Variants in ZFAT observed in about 807,000 individuals in gnomAD.
ZFAT encodes zinc finger protein ZFAT.
ZFAT carries 64 observed loss-of-function variants against 117.7 expected under a neutral mutation model. The observed-to-expected ratio is 0.54, with a 90% confidence interval of 0.44 to 0.67. The LOEUF (loss-of-function observed/expected upper bound fraction) is 0.67. Ranked by LOEUF, ZFAT falls within the 30% of genes least tolerant of loss-of-function variation. The pLI is 0.00. For synonymous variants in ZFAT, 679 were observed against 615.0 expected, an observed-to-expected ratio of 1.10 and a Z score of -1.54; for missense variants, 1,433 against 1,584.5, an observed-to-expected ratio of 0.90 and a Z score of 1.62.
chr8:134,608,464 T>C (rs1828054111), intron 5 of ZFAT, among the ~76,000 whole-genome samples: 1 of 152,232 alleles, frequency 6.6e-6, no homozygotes, highest in Admixed American at 6.5e-5. Context: ...ATAGTTTTTC[T>C]TTAAATAAAA....
chr8:134,751,810 T>C, the ZFAT span, among the ~76,000 whole-genome samples: 15 of 152,288 alleles, frequency 9.8e-5, no homozygotes, highest in Non-Finnish European at 1.8e-4. Flanking sequence ...AGAAGTAGCA[T>C]GAGTTTGGTC....
the ZFAT span, among the ~76,000 whole-genome samples, chr8:134,762,322 G>A: frequency 1.3e-5 from 2 of 152,156 alleles, no homozygotes; most frequent in African/African-American, 2.4e-5. Flanking sequence ...TGACAGAATT[G>A]TTTGTATCCA....
At chr8:134,620,724 G>A (rs1439758914) in intron 3 of ZFAT, among the ~76,000 whole-genome samples, 1 of 152,246 alleles carries the variant, frequency 6.6e-6, no homozygotes, top group East Asian at 1.9e-4. Context: ...AGCTGATGCT[G>A]ACGGGGAATT....
chr8:134,643,381 C>T (rs957272505), intron 2 of ZFAT, among the ~76,000 whole-genome samples: 4 of 152,180 alleles, frequency 2.6e-5, no homozygotes, highest in African/African-American at 7.2e-5. Flanking sequence ...AGGAAAATGA[C>T]GATAGTCTCA....
chr8:134,791,736 G>C, the ZFAT span, among the ~76,000 whole-genome samples: 2 of 152,120 alleles, frequency 1.3e-5, no homozygotes, highest in African/African-American at 4.8e-5. Flanking sequence ...ATAAAACTTT[G>C]ATTTTGCTCA....
the ZFAT span, among the ~76,000 whole-genome samples, chr8:134,741,327 C>T: frequency 5.3e-5 from 8 of 152,176 alleles, no homozygotes; most frequent in African/African-American, 1.9e-4. Flanking sequence ...TGAAACTGCT[C>T]CAGCCAGGCT....
chr8:134,769,365 C>T, the ZFAT span, among the ~76,000 whole-genome samples: 1 of 152,226 alleles, frequency 6.6e-6, no homozygotes, highest in African/African-American at 2.4e-5. Context: ...CTACAGGCCC[C>T]ATGCAAGTCT....
At chr8:134,633,582 G>GT (rs1164287037) in intron 3 of ZFAT, among the ~76,000 whole-genome samples, 1 of 152,154 alleles carries the variant, frequency 6.6e-6, no homozygotes, top group Non-Finnish European at 1.5e-5. Flanking sequence ...ATGACAACAA[G>GT]TAACACTGTT....
At position 134,478,832 on chromosome 8, in the gene ZFAT, C is replaced by T; in HGVS notation, c.3493-111G>A. On this transcript the variant is annotated intron_variant, in intron 15 of 15. Coordinates refer to ENST00000377838, the MANE Select transcript of ZFAT (RefSeq NM_020863.4). This position sits in a 1 kb window ranked among gnomAD's most constrained non-coding sequence, Gnocchi z 5.2. ...GCACCAGTGCGCTGCGGGAGCACGT[C>T]CATTCTCCACGGATCCTCTCTACCA... The T allele has an allele frequency of 7.0e-7, 1 of 1,419,368 alleles. No individual in the cohort carries two copies. Among genetic ancestry groups the T allele is most frequent in the Non-Finnish European group, 9.4e-7 (1 of 1,061,632 alleles). The allele number at this position is 1,419,368 out of a possible 1,614,324, so 87.9% of individuals were successfully genotyped here. A position where few individuals can be genotyped will look rare whatever the true frequency, so the allele number is the denominator to read the frequency against.
chr8:134,802,645 G>A, the ZFAT span, among the ~76,000 whole-genome samples: 2 of 152,130 alleles, frequency 1.3e-5, no homozygotes, highest in Non-Finnish European at 2.9e-5. Context: ...CATATACTCA[G>A]GATAAAATAC....
intron 15 of ZFAT, among the ~76,000 whole-genome samples, chr8:134,487,597 G>A (rs1469612788): frequency 1.3e-5 from 2 of 152,130 alleles, no homozygotes; most frequent in African/African-American, 4.8e-5. Context: ...GACAGGCAAG[G>A]CCCTCCCTGC....
chr8:134,618,926 A>G (rs1485399916), intron 3 of ZFAT, among the ~76,000 whole-genome samples: 1 of 152,226 alleles, frequency 6.6e-6, no homozygotes, highest in Non-Finnish European at 1.5e-5. Flanking sequence ...CTAGTGAGGA[A>G]AGAGACAATC....
intron 11 of ZFAT, among the ~76,000 whole-genome samples, chr8:134,550,310 G>GAAAAAAAAAAAAAAAAAAAAA (rs10680896): frequency 9.7e-5 from 7 of 72,538 alleles, no homozygotes; most frequent in Non-Finnish European, 1.5e-4. Flanking sequence ...GGTCACAACG[G>GAAAAAAAAAAAAAAAAAAAAA]AAAAAAAAAA....
Position 134,521,013 on chromosome 8 carries a change from G to A in ZFAT, c.3116-12C>T, listed in dbSNP as rs752151789. ...ACACTTCAAACCACCTGAAAGCACAGACAGAGGTTAAAAAAAAAATGTGTT... is the reference window on the plus strand; with the variant it reads ...ACACTTCAAACCACCTGAAAGCACAAACAGAGGTTAAAAAAAAAATGTGTT... On this transcript the variant is annotated splice_polypyrimidine_tract_variant and intron_variant, in intron 12 of 15. Transcript: ENST00000377838. 6.3e-6 allele frequency: 10 copies of A among 1,597,572 alleles called. No individual in the cohort carries two copies. The highest frequency in any genetic ancestry group is 8.5e-6 in the Non-Finnish European group (10 of 1,170,558).
At chr8:134,528,202 C>A (rs1020172089) in intron 12 of ZFAT, among the ~76,000 whole-genome samples, 2 of 152,216 alleles carry the variant, frequency 1.3e-5, no homozygotes, top group Non-Finnish European at 2.9e-5. Context: ...TTGGCTTGGC[C>A]ACTTGCTTGC....
At position 134,588,162 on chromosome 8, in the gene ZFAT, C is replaced by T. The variant is rs146048570; in HGVS notation, c.2713+84G>A. ...TTCTAACAGCAGGGATGTGAAGATA[C>T]GGCTTCCTCTTAATGTACTCCCAAA... On this transcript the variant is annotated intron_variant, in intron 9 of 15. Coordinates refer to ENST00000377838, the MANE Select transcript of ZFAT (RefSeq NM_020863.4). The T allele has an allele frequency of 2.0e-3, 2,795 of 1,428,436 alleles. 7 individuals are homozygous for T. Among genetic ancestry groups the T allele is most frequent in the South Asian group, 2.4e-3 (163 of 68,694 alleles). The allele number at this position is 1,428,436 out of a possible 1,614,324, so 88.5% of individuals were successfully genotyped here. A position where few individuals can be genotyped will look rare whatever the true frequency, so the allele number is the denominator to read the frequency against.
chr8:134,745,570 T>G, the ZFAT span, among the ~76,000 whole-genome samples: 3 of 152,180 alleles, frequency 2.0e-5, no homozygotes, highest in Non-Finnish European at 4.4e-5. Flanking sequence ...TTTGACCTAT[T>G]TTGGTTAGCA....
the ZFAT span, among the ~76,000 whole-genome samples, chr8:134,812,201 G>A: frequency 5.1e-3 from 773 of 152,126 alleles, 13 homozygotes; most frequent in East Asian, 0.073. Flanking sequence ...GTTATTATGA[G>A]GATTGAATAA....
the ZFAT span, chr8:134,724,036 C>T: frequency 6.6e-6 from 1 of 152,394 alleles, no homozygotes; most frequent in East Asian, 1.9e-4. Context: ...CACTTTAGAG[C>T]TAGACTTGAT....
Sources: allele counts gnomAD v4.1 joint callset (sites outside exome capture counted in the v4.1 genomes callset), GRCh38; gene constraint gnomAD v4.1.1; non-coding constraint Gnocchi (gnomAD v3.1); transcripts MANE v1.5; gene names NCBI Gene and HGNC (gene_info 2026-07-23, HGNC 2026-07-21).